The following USP10 variants were observed in gnomAD, a reference collection of about 807,000 sequenced individuals.
The protein encoded by USP10 is ubiquitin carboxyl-terminal hydrolase 10.
Under a neutral mutation model 84.5 loss-of-function variants are expected in USP10, and 22 were observed. The ratio of observed to expected loss-of-function variants is 0.26; its 90% CI spans 0.19 to 0.37. The LOEUF (loss-of-function observed/expected upper bound fraction) is 0.37, where lower values mean the gene tolerates loss of function less well. Ranked by LOEUF, USP10 falls within the 10% of genes least tolerant of loss-of-function variation. USP10 has a pLI of 1.00. For synonymous variants in USP10, 454 were observed against 387.6 expected (o/e 1.17, Z -2.01); for missense variants, 1,019 against 998.9 (o/e 1.02, Z -0.27).
chr16:84,774,627 C>G (rs946944256), intron 12 of USP10, among the ~76,000 whole-genome samples: 2 of 151,978 alleles, frequency 1.3e-5, no homozygotes, highest in African/African-American at 4.8e-5. Flanking sequence ...CGTGCCACCA[C>G]GCCCGGGTAA....
chr16:84,771,836 C>A (rs903512414), intron 11 of USP10, among the ~76,000 whole-genome samples: 1 of 152,244 alleles, frequency 6.6e-6, no homozygotes, highest in Admixed American at 6.5e-5. Flanking sequence ...CCACTGTACT[C>A]CAGCCTGGGC....
chr16:84,770,372 A>G (rs1914303344), intron 11 of USP10, among the ~76,000 whole-genome samples: 1 of 152,134 alleles, frequency 6.6e-6, no homozygotes, highest in African/African-American at 2.4e-5. Context: ...TATGTTTTAG[A>G]TCAGAAGTAT....
intron 10 of USP10, 76 bp downstream of exon 10, chr16:84,764,339 AG>A: frequency 6.3e-7 from 1 of 1,590,418 alleles, no homozygotes; most frequent in Non-Finnish European, 8.6e-7. Context: ...GGAAGGTGTG[AG>A]GCTTGTTTTG....
At chr16:84,742,257 C>G (rs985981729) in intron 3 of USP10, among the ~76,000 whole-genome samples, 1 of 152,224 alleles carries the variant, frequency 6.6e-6, no homozygotes, top group Non-Finnish European at 1.5e-5. Flanking sequence ...TCACCCTGCC[C>G]TTAGCAATTC....
At chr16:84,744,592 G>A (rs1910987922) in intron 3 of USP10, 41 bp from the exon 4 acceptor site, 2 of 1,517,296 alleles carry the variant, frequency 1.3e-6, no homozygotes, top group Non-Finnish European at 1.8e-6. Context: ...CTTAGAGTTT[G>A]TAGAACTGGG....
intron 4 of USP10, among the ~76,000 whole-genome samples, chr16:84,752,242 G>C (rs958308813): frequency 6.6e-6 from 1 of 152,190 alleles, no homozygotes; most frequent in African/African-American, 2.4e-5. Flanking sequence ...AAGATGGACT[G>C]GGGGAGGCCA....
intron 4 of USP10, among the ~76,000 whole-genome samples, chr16:84,750,812 A>G (rs967692290): frequency 6.6e-6 from 1 of 152,256 alleles, no homozygotes. Flanking sequence ...AGAGAGAACT[A>G]GGAAAACTGA....
At chr16:84,745,740 C>G in intron 4 of USP10, 67 bp downstream of exon 4, 1 of 1,484,560 alleles carries the variant, frequency 6.7e-7, no homozygotes. Context: ...GGCTTATAGA[C>G]TGTGGTGTTA....
At chr16:84,745,759 A>G in intron 4 of USP10, 86 bp downstream of exon 4, 3 of 1,367,808 alleles carry the variant, frequency 2.2e-6, no homozygotes, top group Non-Finnish European at 3.0e-6. Context: ...TACCCATAAC[A>G]ATGGCAGATT....
chr16:84,712,652 G>C (rs1298353663), intron 1 of USP10, among the ~76,000 whole-genome samples: 1 of 152,178 alleles, frequency 6.6e-6, no homozygotes, highest in Non-Finnish European at 1.5e-5. Flanking sequence ...AGTAATGAGA[G>C]CTGATGAAGA....
rs116219221 is a variant in USP10 at position 84,705,123 on chromosome 16, C to G, written c.21+5012C>G. Among the ~76,000 whole-genome samples the G allele has an allele frequency of 2.6e-3, 395 of 152,292 alleles. 4 individuals carry two copies. The highest frequency in any genetic ancestry group is 8.8e-3 in the African/African-American group (366 of 41,566). ...TTTCTGGTATTAGCTGGAGGGACAT[C>G]TCCTTAAGCCTGTACTCTATGGCTC... On this transcript the variant is annotated intron_variant, in intron 1 of 13. Coordinates refer to ENST00000219473, the MANE Select transcript of USP10 (RefSeq NM_005153.3).
At chr16:84,739,184 G>T (rs1248625419) in intron 2 of USP10, among the ~76,000 whole-genome samples, 1 of 146,980 alleles carries the variant, frequency 6.8e-6, no homozygotes, top group Admixed American at 6.8e-5. Context: ...TCAGCCTCCT[G>T]AGTAGCTGGG....
intron 9 of USP10, among the ~76,000 whole-genome samples, chr16:84,763,806 G>A (rs147836854): frequency 0.012 from 1,847 of 152,144 alleles, 32 homozygotes; most frequent in African/African-American, 0.042. Context: ...GCGATTGGTT[G>A]CCGTGGATCC....
chr16:84,705,537 G>A (rs1419768042), intron 1 of USP10, among the ~76,000 whole-genome samples: 2 of 151,672 alleles, frequency 1.3e-5, no homozygotes, highest in Admixed American at 1.3e-4. Context: ...AGCCACTCCT[G>A]TGCCTTTTGA....
chr16:84,705,242 T>G (rs944134159), intron 1 of USP10, among the ~76,000 whole-genome samples: 6 of 151,664 alleles, frequency 4.0e-5, no homozygotes, highest in East Asian at 3.9e-4. Flanking sequence ...TTGTTTGTTT[T>G]TTTTTTTGAG....
At chr16:84,711,068 A>G (rs1338531368) in intron 1 of USP10, among the ~76,000 whole-genome samples, 1 of 152,096 alleles carries the variant, frequency 6.6e-6, no homozygotes, top group Non-Finnish European at 1.5e-5. Flanking sequence ...AACAGTTGTG[A>G]GCAGATGAGA....
At chr16:84,763,161 A>G in intron 9 of USP10, 73 bp downstream of exon 9, 2 of 857,296 alleles carry the variant, frequency 2.3e-6, no homozygotes, top group Admixed American at 2.2e-5. Flanking sequence ...CTCATATGTT[A>G]TGTTGCTTCC....
intron 9 of USP10, among the ~76,000 whole-genome samples, chr16:84,763,362 C>T (rs1913433146): frequency 6.6e-6 from 1 of 152,114 alleles, no homozygotes; most frequent in African/African-American, 2.4e-5. Context: ...TTTATAATTG[C>T]CGAGTGTACA....
At chr16:84,766,678 A>T (rs1597393549) in intron 10 of USP10, among the ~76,000 whole-genome samples, 1 of 152,182 alleles carries the variant, frequency 6.6e-6, no homozygotes, top group Non-Finnish European at 1.5e-5. Flanking sequence ...AGTGGAAAAT[A>T]CCAGCGTCCA....
Sources: allele counts gnomAD v4.1 joint callset (sites outside exome capture counted in the v4.1 genomes callset), GRCh38; gene constraint gnomAD v4.1.1; transcripts MANE v1.5; gene names NCBI Gene and HGNC (gene_info 2026-07-23, HGNC 2026-07-21).